Variants in C10orf90 observed in about 807,000 individuals in gnomAD.
C10orf90 encodes the protein chromosome 10 open reading frame 90, also known as (E2-independent) E3 ubiquitin-conjugating enzyme FATS.
Under a neutral mutation model 62.5 loss-of-function variants are expected in C10orf90, and 56 were observed. The ratio of observed to expected loss-of-function variants is 0.90; its 90% CI spans 0.72 to 1.12. The LOEUF (loss-of-function observed/expected upper bound fraction) is 1.12, where lower values mean the gene tolerates loss of function less well. Among genes scored for constraint, C10orf90 ranks in the 50% most tolerant of loss-of-function variants. The pLI, the probability that C10orf90 is intolerant of heterozygous loss-of-function variation, is 0.00. For missense variants in C10orf90, 970 were observed against 880.4 expected (o/e 1.10, Z -1.29); for synonymous variants, 386 against 340.4 (o/e 1.13, Z -1.47).
chr10:126,497,285 A>G (rs1259365265), intron 4 of C10orf90, among the ~76,000 whole-genome samples: 5 of 151,926 alleles, frequency 3.3e-5, no homozygotes, highest in Non-Finnish European at 5.9e-5. Context: ...AGAGCGAGAC[A>G]GGATGGTATT....
intron 2 of C10orf90, among the ~76,000 whole-genome samples, chr10:126,564,372 T>A (rs1471035729): frequency 1.3e-5 from 2 of 151,604 alleles, no homozygotes; most frequent in Non-Finnish European, 2.9e-5. Flanking sequence ...AGCAGCAAAG[T>A]CCCACTGTGG....
chr10:126,575,631 T>C (rs1263684848), intron 2 of C10orf90, among the ~76,000 whole-genome samples: 7 of 152,032 alleles, frequency 4.6e-5, no homozygotes, highest in Admixed American at 3.3e-4. Context: ...AAAGCAATCC[T>C]GGTCAAAAAG....
intron 2 of C10orf90, among the ~76,000 whole-genome samples, chr10:126,525,124 TAGTC>T (rs1863897180): frequency 6.6e-6 from 1 of 152,166 alleles, no homozygotes; most frequent in Non-Finnish European, 1.5e-5. Context: ...CCAGACCCGT[TAGTC>T]AGGCAACTTT....
chr10:126,526,636 A>G (rs1182321894), intron 2 of C10orf90, among the ~76,000 whole-genome samples: 1 of 152,120 alleles, frequency 6.6e-6, no homozygotes, highest in Non-Finnish European at 1.5e-5. Context: ...GTTTTTGTAT[A>G]TTCACCAAGT....
At chr10:126,491,646 C>T (rs569607293) in intron 4 of C10orf90, among the ~76,000 whole-genome samples, 5 of 152,176 alleles carry the variant, frequency 3.3e-5, no homozygotes, top group Non-Finnish European at 5.9e-5. Flanking sequence ...AATCCGCAGA[C>T]GGAAACAGAG....
At chr10:126,525,197 C>A (rs1212543322) in intron 2 of C10orf90, among the ~76,000 whole-genome samples, 2 of 152,120 alleles carry the variant, frequency 1.3e-5, no homozygotes, top group African/African-American at 4.8e-5. Flanking sequence ...GAACAAGCAA[C>A]CCACCAGGAA....
rs144660425 is a variant in C10orf90 at position 126,660,934 on chromosome 10, T to C, written c.240+9307A>G. On this transcript the variant is annotated intron_variant, in intron 1 of 9. Coordinates refer to ENST00000488181, the MANE Select transcript of C10orf90 (RefSeq NM_001350921.2). ...CCCCTACTGTTAACCCTGTGGACCATGATTTTGGAAACACTTAACGTGGCA... is the reference window on the plus strand; with the variant it reads ...CCCCTACTGTTAACCCTGTGGACCACGATTTTGGAAACACTTAACGTGGCA... Among the ~76,000 whole-genome samples the C allele has an allele frequency of 5.1e-3, 781 of 152,344 alleles. 4 individuals carry two copies. Among genetic ancestry groups the C allele is most frequent in the African/African-American group, 0.016 (667 of 41,584 alleles).
intron 2 of C10orf90, among the ~76,000 whole-genome samples, chr10:126,572,982 C>A (rs370430313): frequency 6.6e-6 from 1 of 152,086 alleles, no homozygotes; most frequent in African/African-American, 2.4e-5. Context: ...ATTCTTTATT[C>A]CTTTACTTTT....
At chr10:126,430,829 T>G (rs1409095013) in intron 7 of C10orf90, among the ~76,000 whole-genome samples, 1 of 152,196 alleles carries the variant, frequency 6.6e-6, no homozygotes, top group Non-Finnish European at 1.5e-5. Flanking sequence ...CCTGTCCCTT[T>G]GCTCATCAAT....
chr10:126,536,178 C>T (rs925204768), intron 2 of C10orf90, among the ~76,000 whole-genome samples: 1 of 152,132 alleles, frequency 6.6e-6, no homozygotes, highest in Non-Finnish European at 1.5e-5. Context: ...GCAAGATGCC[C>T]GCCCAACCCC....
At chr10:126,429,900 C>T (rs1426462096) in intron 7 of C10orf90, 50 bp from the exon 8 acceptor site, 5 of 1,453,506 alleles carry the variant, frequency 3.4e-6, no homozygotes, top group African/African-American at 2.8e-5. Context: ...GAATCTCACA[C>T]ATTTCTAGAG....
At chr10:126,465,054 G>A (rs7079392) in intron 4 of C10orf90, 68 bp from the exon 5 acceptor site, 781,102 of 1,511,094 alleles carry the variant, frequency 0.52, 204,029 homozygotes, top group South Asian at 0.66. Flanking sequence ...GACTTCTACC[G>A]CACATGGTGC....
chr10:126,606,804 G>A (rs1845321791), intron 2 of C10orf90, among the ~76,000 whole-genome samples: 1 of 152,180 alleles, frequency 6.6e-6, no homozygotes, highest in African/African-American at 2.4e-5. Context: ...CACAAATGCT[G>A]TGGATTATTC....
At chr10:126,469,003 C>T (rs568982463) in intron 4 of C10orf90, among the ~76,000 whole-genome samples, 1 of 152,340 alleles carries the variant, frequency 6.6e-6, no homozygotes, top group Non-Finnish European at 1.5e-5. Flanking sequence ...TGGCCCCCTA[C>T]ATGCACACAG....
intron 2 of C10orf90, among the ~76,000 whole-genome samples, chr10:126,645,131 G>C (rs187427929): frequency 1.9e-4 from 29 of 151,726 alleles, no homozygotes; most frequent in African/African-American, 6.6e-4. Context: ...GGAGGGGGGA[G>C]GGATAGCATT....
At chr10:126,599,510 C>T (rs1360095573) in intron 2 of C10orf90, among the ~76,000 whole-genome samples, 1 of 151,778 alleles carries the variant, frequency 6.6e-6, no homozygotes, top group African/African-American at 2.4e-5. Flanking sequence ...GCTCCAGGAG[C>T]CATTCAATTG....
chr10:126,594,767 G>A (rs1262308909), intron 2 of C10orf90, among the ~76,000 whole-genome samples: 5 of 152,106 alleles, frequency 3.3e-5, no homozygotes, highest in Admixed American at 1.3e-4. Context: ...CAGGGCAGAG[G>A]TCCTGAGACA....
intron 2 of C10orf90, among the ~76,000 whole-genome samples, chr10:126,627,971 G>A (rs1845779451): frequency 6.6e-6 from 1 of 152,178 alleles, no homozygotes; most frequent in South Asian, 2.1e-4. Flanking sequence ...CCGAATATGA[G>A]AAAACTTGCT....
intron 2 of C10orf90, among the ~76,000 whole-genome samples, chr10:126,517,348 G>T (rs962505901): frequency 2.0e-5 from 3 of 152,182 alleles, no homozygotes; most frequent in Admixed American, 1.3e-4. Flanking sequence ...TCAAGAAATT[G>T]CCCTGGTTAA....
Sources: gnomAD v4.1 joint callset for allele counts (sites outside exome capture counted in the v4.1 genomes callset) on GRCh38, gnomAD v4.1.1 for gene constraint, MANE v1.5 for transcripts, NCBI Gene and HGNC (gene_info 2026-07-23, HGNC 2026-07-21) for gene names.